The following SNCAIP variants were observed in gnomAD, a reference collection of about 807,000 sequenced individuals.
The protein encoded by SNCAIP is synphilin-1.
SNCAIP carries 43 observed loss-of-function variants against 86.7 expected under a neutral mutation model. The observed-to-expected ratio is 0.50, with a 90% CI of 0.39 to 0.64. The LOEUF is 0.64. Among genes scored for constraint, SNCAIP ranks in the 30% least tolerant of loss-of-function variants. The pLI is 0.00. For missense variants in SNCAIP, 981 were observed against 1,103.1 expected, an observed-to-expected ratio of 0.89 and a Z score of 1.57; for synonymous variants, 417 against 427.2, an observed-to-expected ratio of 0.98 and a Z score of 0.29.
At chr5:122,372,937 C>T (rs1437519636) in intron 1 of SNCAIP, among the ~76,000 whole-genome samples, 2 of 152,220 alleles carry the variant, frequency 1.3e-5, no homozygotes, top group Non-Finnish European at 1.5e-5. Flanking sequence ...TTCTGCTTTG[C>T]AAAATTGTAG....
intron 3 of SNCAIP, among the ~76,000 whole-genome samples, chr5:122,413,754 A>G (rs950073626): frequency 1.3e-5 from 2 of 151,990 alleles, no homozygotes; most frequent in Non-Finnish European, 2.9e-5. Context: ...AGAAAAAAGA[A>G]AAAAAAAGGA....
chr5:122,457,128 A>G (rs1784945942), intron 10 of SNCAIP, among the ~76,000 whole-genome samples: 1 of 152,022 alleles, frequency 6.6e-6, no homozygotes, highest in Non-Finnish European at 1.5e-5. Flanking sequence ...CAGCCTCCTG[A>G]GTAGCTAGGA....
intron 10 of SNCAIP, among the ~76,000 whole-genome samples, chr5:122,457,923 A>T (rs1251544343): frequency 6.6e-6 from 1 of 152,226 alleles, no homozygotes; most frequent in South Asian, 2.1e-4. Context: ...TGTCCATGTT[A>T]TGAGAAGCCA....
chr5:122,378,424 TAGA>T (rs1479227475), intron 1 of SNCAIP, among the ~76,000 whole-genome samples: 6 of 137,982 alleles, frequency 4.3e-5, no homozygotes, highest in Admixed American at 2.8e-4. Context: ...GAGTTCATTG[TAGA>T]TTCTGGATAT....
intron 3 of SNCAIP, among the ~76,000 whole-genome samples, chr5:122,419,264 C>T (rs777484416): frequency 6.6e-6 from 1 of 152,056 alleles, no homozygotes; most frequent in African/African-American, 2.4e-5. Context: ...TCAGACCAGG[C>T]CACCTATCAG....
intron 1 of SNCAIP, among the ~76,000 whole-genome samples, chr5:122,374,536 T>C (rs1435155601): frequency 6.6e-6 from 1 of 152,166 alleles, no homozygotes; most frequent in Non-Finnish European, 1.5e-5. Flanking sequence ...TTGGAGAGTA[T>C]AGCTAGAGTT....
At chr5:122,454,491 A>C (rs1024752456) in intron 10 of SNCAIP, 15 of 152,682 alleles carry the variant, frequency 9.8e-5, no homozygotes, top group Admixed American at 6.5e-5. Context: ...AATCTTGGCC[A>C]ATGGTGAGAG....
chr5:122,401,722 A>G (rs982939229), intron 2 of SNCAIP, among the ~76,000 whole-genome samples: 1 of 152,204 alleles, frequency 6.6e-6, no homozygotes. Flanking sequence ...CAAGTGATTT[A>G]GGTTGAGGCA....
At chr5:122,376,324 A>G (rs1765312675) in intron 1 of SNCAIP, among the ~76,000 whole-genome samples, 1 of 151,466 alleles carries the variant, frequency 6.6e-6, no homozygotes, top group Non-Finnish European at 1.5e-5. Context: ...TCCACTGTAG[A>G]AATTGAGTAA....
chr5:122,325,334 G>A (rs1316719285), intron 1 of SNCAIP, among the ~76,000 whole-genome samples: 2 of 152,002 alleles, frequency 1.3e-5, no homozygotes, highest in African/African-American at 4.8e-5. Context: ...GAGAGGTTTG[G>A]GTATTTTATT....
chr5:122,421,629 G>T (rs1384663655), intron 3 of SNCAIP, among the ~76,000 whole-genome samples: 3 of 152,066 alleles, frequency 2.0e-5, no homozygotes, highest in African/African-American at 7.2e-5. Context: ...GAAGAGAAGC[G>T]GTAAATGGAA....
At chr5:122,422,811 C>A in intron 3 of SNCAIP, 57 bp from the exon 4 acceptor site, 1 of 1,420,232 alleles carries the variant, frequency 7.0e-7, no homozygotes, top group Non-Finnish European at 9.9e-7. Context: ...CCTGCATAGC[C>A]AAGATGTGTT....
At chr5:122,340,544 CT>C (rs1331149314) in intron 1 of SNCAIP, among the ~76,000 whole-genome samples, 2 of 152,162 alleles carry the variant, frequency 1.3e-5, no homozygotes, top group South Asian at 2.1e-4. Context: ...TAGTAAGAAT[CT>C]CTAGGTAAAA....
intron 1 of SNCAIP, among the ~76,000 whole-genome samples, chr5:122,326,605 C>CTTTTTTTTTTTTTTTTT (rs1491240086): frequency 9.8e-6 from 1 of 102,432 alleles, no homozygotes. Context: ...AGAAATGTCT[C>CTTTTTTTTTTTTTTTTT]CTTTTTTTTT....
chr5:122,448,252 C>A (rs918517458), intron 8 of SNCAIP, among the ~76,000 whole-genome samples: 1 of 151,900 alleles, frequency 6.6e-6, no homozygotes, highest in African/African-American at 2.4e-5. Flanking sequence ...TTTTTTTCTG[C>A]TAATTGTATT....
At chr5:122,443,734 T>C (rs1199777170) in intron 7 of SNCAIP, 5 of 450,712 alleles carry the variant, frequency 1.1e-5, no homozygotes, top group Non-Finnish European at 1.8e-5. Context: ...GGGAAAGGCA[T>C]GCAACCTCCC....
chr5:122,383,179 TAGC>T lies in SNCAIP; in HGVS notation c.-46-7908_-46-7906del, dbSNP rs566930692. On this transcript the variant is annotated intron_variant, in intron 1 of 10. Coordinates refer to ENST00000261368, the MANE Select transcript of SNCAIP (RefSeq NM_005460.4). ...GCAGTTTGATCTCAGACTGCTGTGC[TAGC>T]AATCAGCGAGACTCCGTGGGCGTAG... Among the ~76,000 whole-genome samples the T allele has an allele frequency of 5.2e-3, 790 of 152,286 alleles. 14 individuals are homozygous for T. The highest frequency in any genetic ancestry group is 0.018 in the African/African-American group (764 of 41,552).
chr5:122,362,757 G>C (rs189083737), intron 1 of SNCAIP, among the ~76,000 whole-genome samples: 1 of 152,248 alleles, frequency 6.6e-6, no homozygotes, highest in East Asian at 1.9e-4. Flanking sequence ...TGAACTGAGC[G>C]TGAACTACAT....
chr5:122,395,723 C>T (rs1012632125), intron 2 of SNCAIP, among the ~76,000 whole-genome samples: 15 of 152,112 alleles, frequency 9.9e-5, no homozygotes, highest in Non-Finnish European at 1.8e-4. Context: ...TGATGCTTCC[C>T]CAGATTTTGT....
Sources: allele counts gnomAD v4.1 joint callset (sites outside exome capture counted in the v4.1 genomes callset), GRCh38; gene constraint gnomAD v4.1.1; transcripts MANE v1.5; gene names NCBI Gene and HGNC (gene_info 2026-07-23, HGNC 2026-07-21).